OR3A2: variants seen among roughly 807,000 people sequenced by gnomAD.
OR3A2 encodes olfactory receptor 3A2.
For missense variants in OR3A2, 318 were observed against 392.8 expected (o/e 0.81, Z 1.61); for synonymous variants, 126 against 159.3 (o/e 0.79, Z 1.57).
chr17:3,340,073 G>C lies in OR3A2; in HGVS notation c.-178-3947C>G, dbSNP rs142871568. Among the ~76,000 whole-genome samples the C allele has an allele frequency of 1.6e-3, 248 of 152,226 alleles. 1 individual carries two copies. The Middle Eastern group carries it at 0.017, about 11-fold the overall frequency. ...GTTCATTTGTGTAGAGGTGTTTATA[G>C]TATTCTCTGATGGTGGTTTGTATTT... On this transcript the variant is annotated intron_variant, in intron 2 of 4. Coordinates refer to the OR3A2 transcript ENST00000573491.
At chr17:3,278,350 G>A in exon 2 of OR3A2, 4 of 1,614,206 alleles carry the variant, frequency 2.5e-6, no homozygotes, top group Non-Finnish European at 3.4e-6. Context: ...GAGCAGGAGA[G>A]CTGGAAGAGC....
intron 2 of OR3A2, among the ~76,000 whole-genome samples, chr17:3,341,150 C>T (rs2049314654): frequency 6.6e-6 from 1 of 152,112 alleles, no homozygotes; most frequent in Non-Finnish European, 1.5e-5. Flanking sequence ...TATTTTGAGC[C>T]CATGTGTGTC....
intron 3 of OR3A2, among the ~76,000 whole-genome samples, chr17:3,293,409 C>T (rs1031300544): frequency 4.6e-5 from 7 of 152,172 alleles, no homozygotes; most frequent in Non-Finnish European, 8.8e-5. Context: ...GCATTCATTA[C>T]ACACAAATAA....
intron 2 of OR3A2, among the ~76,000 whole-genome samples, chr17:3,371,349 C>T (rs866264064): frequency 2.7e-5 from 4 of 148,554 alleles, no homozygotes; most frequent in East Asian, 2.1e-4. Flanking sequence ...ATCTCCCGGA[C>T]GAGGCGGCTG....
At chr17:3,295,707 G>A (rs909545238) in intron 3 of OR3A2, among the ~76,000 whole-genome samples, 1 of 151,878 alleles carries the variant, frequency 6.6e-6, no homozygotes, top group African/African-American at 2.4e-5. Context: ...CCAAAACCAA[G>A]TTAATTAGAA....
chr17:3,292,103 C>T, intron 3 of OR3A2: 1 of 1,614,178 alleles, frequency 6.2e-7, no homozygotes, highest in Non-Finnish European at 8.5e-7. Context: ...CAGTGTGGGT[C>T]AGTGCGTTGG....
At chr17:3,278,452 A>C in exon 2 of OR3A2, 1 of 1,614,194 alleles carries the variant, frequency 6.2e-7, no homozygotes. Context: ...GCGTTGGTGA[A>C]GGCACAAGCC....
chr17:3,319,844 A>C (rs1316611775), intron 3 of OR3A2, among the ~76,000 whole-genome samples: 2 of 152,188 alleles, frequency 1.3e-5, no homozygotes, highest in African/African-American at 4.8e-5. Context: ...ATACGTGTGC[A>C]TGTGTCTTTA....
intron 2 of OR3A2, among the ~76,000 whole-genome samples, chr17:3,343,036 G>T (rs1567561769): frequency 6.6e-6 from 1 of 152,200 alleles, no homozygotes; most frequent in Non-Finnish European, 1.5e-5. Flanking sequence ...AGTGAGCAAG[G>T]CTCCGTGGGC....
rs562609435 is a variant in OR3A2 at position 3,306,983 on chromosome 17, G to A, written c.-84-27830C>T. Among the ~76,000 whole-genome samples the A allele has an allele frequency of 5.3e-5, 8 of 152,246 alleles. No homozygotes were observed. The East Asian group carries it at 1.3e-3, about 26-fold the overall frequency. On this transcript the variant is annotated intron_variant, in intron 3 of 4. Transcript: ENST00000573491. The stretch of plus-strand genomic sequence containing the variant: ...GATTTACACACGCACGCGTGCTTGT[G>A]TGTGTGCGCATTTTGTACAAAAGGT...
rs149555171 is a variant in OR3A2 at position 3,381,413 on chromosome 17, A to G, written c.-179+2391T>C. Among the ~76,000 whole-genome samples the G allele has an allele frequency of 6.8e-3, 1,030 of 151,574 alleles. 8 individuals carry two copies. Among genetic ancestry groups the G allele is most frequent in the Middle Eastern group, 0.027 (8 of 294 alleles). The stretch of plus-strand genomic sequence containing the variant: ...CCTTCCTGCCCAATTCAAAGCAGAC[A>G]CCTGCCTGACCTGGGCCTGAGGAAA... On this transcript the variant is annotated intron_variant, in intron 2 of 4. Transcript: ENST00000573491.
chr17:3,341,036 T>C (rs1263614935), intron 2 of OR3A2, among the ~76,000 whole-genome samples: 3 of 152,174 alleles, frequency 2.0e-5, no homozygotes, highest in Non-Finnish European at 4.4e-5. Context: ...TCTTTGTCTC[T>C]TTTGATCTTT....
rs1236235389 is a variant in OR3A2, at chr17:3,279,809, A to C, written c.-6-886T>G. On this transcript the variant is annotated intron_variant, in intron 1 of 1. Transcript: ENST00000642052. ...TCTCAAACAAAACAAAACAAAACAA[A>C]ACAAAAACACCTAGGTTTAAAGGCT... Among the ~76,000 whole-genome samples, 4 of 152,118 alleles carry C rather than the reference A, an allele frequency of 2.6e-5. No individual in the cohort carries two copies. The East Asian group carries it at 5.8e-4, about 22-fold the overall frequency.
chr17:3,376,255 G>A (rs542343504), intron 2 of OR3A2, among the ~76,000 whole-genome samples: 13 of 152,338 alleles, frequency 8.5e-5, no homozygotes, highest in African/African-American at 3.1e-4. Context: ...TTTCAAGAGA[G>A]CACCAGCTAC....
chr17:3,325,704 C>A (rs189317911), intron 3 of OR3A2, among the ~76,000 whole-genome samples: 24 of 152,126 alleles, frequency 1.6e-4, no homozygotes, highest in Admixed American at 8.5e-4. Flanking sequence ...GGTATCACAT[C>A]TCAGCCTTTT....
At chr17:3,363,038 T>C (rs1340779218) in intron 2 of OR3A2, among the ~76,000 whole-genome samples, 1 of 151,784 alleles carries the variant, frequency 6.6e-6, no homozygotes, top group Non-Finnish European at 1.5e-5. Context: ...TGACACCATT[T>C]TTCCCTCTTA....
chr17:3,373,515 G>A (rs2049651955), intron 2 of OR3A2, among the ~76,000 whole-genome samples: 1 of 152,084 alleles, frequency 6.6e-6, no homozygotes, highest in Non-Finnish European at 1.5e-5. Context: ...ATATTTTCCT[G>A]TTGGACTAAT....
intron 2 of OR3A2, among the ~76,000 whole-genome samples, chr17:3,341,178 T>G (rs1420603155): frequency 6.6e-6 from 1 of 152,192 alleles, no homozygotes; most frequent in Non-Finnish European, 1.5e-5. Context: ...ATGAGATGGG[T>G]CACCTGAATA....
At chr17:3,288,093 A>C (rs2048830201), upstream of OR3A2, among the ~76,000 whole-genome samples, 1 of 151,750 alleles carries the variant, frequency 6.6e-6, no homozygotes, top group Non-Finnish European at 1.5e-5. Flanking sequence ...TAAAATATAA[A>C]ATTAATTTGG....
Sources: gnomAD v4.1 joint callset for allele counts (sites outside exome capture counted in the v4.1 genomes callset) on GRCh38, gnomAD v4.1.1 for gene constraint, MANE v1.5 for transcripts, NCBI Gene and HGNC (gene_info 2026-07-23, HGNC 2026-07-21) for gene names.